The following ST6GALNAC5 variants were observed in gnomAD, a reference collection of about 807,000 sequenced individuals.
ST6GALNAC5 encodes alpha-N-acetylgalactosaminide alpha-2,6-sialyltransferase 5.
In ST6GALNAC5, 27 loss-of-function variants were observed where a neutral mutation model predicts 33.6. The observed-to-expected ratio is 0.80, with a 90% CI of 0.59 to 1.11. The LOEUF is 1.11. Among genes scored for constraint, ST6GALNAC5 ranks in the 50% least tolerant of loss-of-function variants. The probability of loss-of-function intolerance (pLI) is 0.00; values close to 1 mark genes in which losing one functional copy is unlikely to be tolerated. For synonymous variants in ST6GALNAC5, 194 were observed against 171.2 expected, an observed-to-expected ratio of 1.13 and a Z score of -1.04; for missense variants, 428 against 454.0, an observed-to-expected ratio of 0.94 and a Z score of 0.52.
At chr1:76,962,100 A>G (rs878945791) in intron 2 of ST6GALNAC5, among the ~76,000 whole-genome samples, 1 of 152,224 alleles carries the variant, frequency 6.6e-6, no homozygotes, top group African/African-American at 2.4e-5. Flanking sequence ...ATTTTTTTTA[A>G]GAAGTGATTC....
intron 2 of ST6GALNAC5, among the ~76,000 whole-genome samples, chr1:76,900,005 A>T (rs1482433239): frequency 6.6e-6 from 1 of 152,226 alleles, no homozygotes; most frequent in Admixed American, 6.5e-5. Flanking sequence ...AGAGACCACC[A>T]AACAGGCTTT....
intron 2 of ST6GALNAC5, among the ~76,000 whole-genome samples, chr1:76,906,083 C>T (rs547458510): frequency 2.0e-4 from 30 of 152,264 alleles, no homozygotes; most frequent in African/African-American, 6.7e-4. Context: ...AATGAACCCT[C>T]CCTTTTTCTT....
At chr1:77,033,441 A>G (rs551762920) in intron 2 of ST6GALNAC5, among the ~76,000 whole-genome samples, 33 of 152,360 alleles carry the variant, frequency 2.2e-4, no homozygotes, top group African/African-American at 7.0e-4. Flanking sequence ...TTGGATCATG[A>G]GAGGTGGTGA....
intron 2 of ST6GALNAC5, among the ~76,000 whole-genome samples, chr1:76,885,820 C>T (rs570916900): frequency 1.3e-5 from 2 of 152,302 alleles, no homozygotes; most frequent in African/African-American, 4.8e-5. Flanking sequence ...TATGCTCAGA[C>T]ACAGAATGTG....
intron 2 of ST6GALNAC5, among the ~76,000 whole-genome samples, chr1:76,971,342 C>T (rs1388244162): frequency 6.6e-6 from 1 of 152,116 alleles, no homozygotes; most frequent in African/African-American, 2.4e-5. Context: ...AGTATAGCTA[C>T]CCCCAAGTGT....
At chr1:77,007,506 G>A (rs1048199706) in intron 2 of ST6GALNAC5, among the ~76,000 whole-genome samples, 10 of 152,318 alleles carry the variant, frequency 6.6e-5, no homozygotes, top group Admixed American at 6.5e-4. Context: ...TTAGGAGTGA[G>A]AATAAATGTT....
chr1:77,047,925 T>G (rs1205829120), intron 3 of ST6GALNAC5, among the ~76,000 whole-genome samples: 1 of 152,184 alleles, frequency 6.6e-6, no homozygotes, highest in Non-Finnish European at 1.5e-5. Flanking sequence ...TACAGCTGAT[T>G]AAGTGTAAAA....
intron 2 of ST6GALNAC5, among the ~76,000 whole-genome samples, chr1:76,980,812 A>G (rs1174381399): frequency 6.6e-6 from 1 of 152,218 alleles, no homozygotes; most frequent in Non-Finnish European, 1.5e-5. Flanking sequence ...TTGATTAGGT[A>G]TGGATTCTTA....
intron 1 of ST6GALNAC5, 81 bp downstream of exon 1, chr1:76,867,771 C>T (rs1653375463): frequency 6.2e-7 from 1 of 1,603,326 alleles, no homozygotes; most frequent in Non-Finnish European, 8.5e-7. Flanking sequence ...GTGGAGACTC[C>T]GAGACGCCTA....
chr1:77,010,608 G>A (rs1650595250), intron 2 of ST6GALNAC5, among the ~76,000 whole-genome samples: 1 of 151,570 alleles, frequency 6.6e-6, no homozygotes, highest in South Asian at 2.1e-4. Context: ...CTTCCTTGGA[G>A]TAGTCCCTCT....
chr1:76,921,671 G>A (rs1372407561), intron 2 of ST6GALNAC5, among the ~76,000 whole-genome samples: 1 of 152,222 alleles, frequency 6.6e-6, no homozygotes, highest in East Asian at 1.9e-4. Flanking sequence ...TAATGAAATT[G>A]AATTTGCAAC....
At chr1:76,945,867 T>A (rs1271266258) in intron 2 of ST6GALNAC5, among the ~76,000 whole-genome samples, 1 of 152,132 alleles carries the variant, frequency 6.6e-6, no homozygotes, top group Non-Finnish European at 1.5e-5. Context: ...AGAATAATGG[T>A]TGTGAAGTCA....
intron 2 of ST6GALNAC5, among the ~76,000 whole-genome samples, chr1:77,007,636 T>A (rs1438542323): frequency 1.3e-5 from 2 of 152,198 alleles, no homozygotes; most frequent in Non-Finnish European, 2.9e-5. Context: ...AATATTTGAG[T>A]AGAGAAAAAT....
chr1:77,005,479 C>A (rs549098101), intron 2 of ST6GALNAC5, among the ~76,000 whole-genome samples: 1 of 152,158 alleles, frequency 6.6e-6, no homozygotes, highest in African/African-American at 2.4e-5. Context: ...AGCTGTAGAC[C>A]GGAGCTGTTC....
At chr1:76,875,111 A>G (rs1283101332) in intron 2 of ST6GALNAC5, among the ~76,000 whole-genome samples, 2 of 152,260 alleles carry the variant, frequency 1.3e-5, no homozygotes, top group East Asian at 1.9e-4. Context: ...TTTTAACAGA[A>G]GAAGGAAGAA....
chr1:77,040,494 G>A (rs1651796877), intron 2 of ST6GALNAC5, among the ~76,000 whole-genome samples: 1 of 152,186 alleles, frequency 6.6e-6, no homozygotes, highest in Non-Finnish European at 1.5e-5. Context: ...ACTAATCACA[G>A]AGGGTCAGTA....
At chr1:76,958,499 C>A (rs1314439783) in intron 2 of ST6GALNAC5, among the ~76,000 whole-genome samples, 1 of 151,350 alleles carries the variant, frequency 6.6e-6, no homozygotes, top group Non-Finnish European at 1.5e-5. Flanking sequence ...TTTTCCTGTA[C>A]CAACAAAACC....
intron 2 of ST6GALNAC5, among the ~76,000 whole-genome samples, chr1:76,885,622 A>T (rs192131566): frequency 6.6e-6 from 1 of 152,334 alleles, no homozygotes. Flanking sequence ...TTGAAACCAA[A>T]ATCTATTTCA....
At chr1:76,910,387 GA>G (rs1219773769) in intron 2 of ST6GALNAC5, among the ~76,000 whole-genome samples, 2 of 151,782 alleles carry the variant, frequency 1.3e-5, no homozygotes, top group African/African-American at 4.8e-5. Context: ...TTTAATCTTT[GA>G]AAAAAATAAA....
Sources: gnomAD v4.1 joint callset for allele counts (sites outside exome capture counted in the v4.1 genomes callset) on GRCh38, gnomAD v4.1.1 for gene constraint, MANE v1.5 for transcripts, NCBI Gene and HGNC (gene_info 2026-07-23, HGNC 2026-07-21) for gene names.